The following TTC1 variants were observed in gnomAD, a reference collection of about 807,000 sequenced individuals.
TTC1 encodes the protein tetratricopeptide repeat protein 1.
Under a neutral mutation model 37.6 loss-of-function variants are expected in TTC1, and 31 were observed. The observed-to-expected ratio is 0.82, with a 90% CI of 0.62 to 1.11. The LOEUF (loss-of-function observed/expected upper bound fraction) is 1.11. TTC1 is among the 50% of genes most tolerant of loss of function. The pLI, the probability that TTC1 is intolerant of heterozygous loss-of-function variation, is 0.00. For synonymous variants in TTC1, 127 were observed against 122.4 expected, an observed-to-expected ratio of 1.04 and a Z score of -0.25; for missense variants, 351 against 339.0, an observed-to-expected ratio of 1.04 and a Z score of -0.28.
chr5:160,055,477 T>A (rs1757519261), intron 7 of TTC1, among the ~76,000 whole-genome samples: 1 of 152,226 alleles, frequency 6.6e-6, no homozygotes, highest in Non-Finnish European at 1.5e-5. Flanking sequence ...AAGATTCTAA[T>A]CACCAGTTGC....
intron 5 of TTC1, among the ~76,000 whole-genome samples, chr5:160,044,804 C>T (rs150911181): frequency 0.01 from 1,526 of 152,306 alleles, 17 homozygotes; most frequent in Middle Eastern, 0.02. Flanking sequence ...CCCAGTAGGT[C>T]TCAGCCTTAT....
At chr5:160,020,662 C>G (rs1304047259) in intron 2 of TTC1, among the ~76,000 whole-genome samples, 3 of 152,210 alleles carry the variant, frequency 2.0e-5, no homozygotes, top group Non-Finnish European at 2.9e-5. Context: ...GGCTTGTGAA[C>G]CCTGTTGTGA....
chr5:160,014,952 C>T (rs1460847404), intron 2 of TTC1, among the ~76,000 whole-genome samples: 1 of 152,104 alleles, frequency 6.6e-6, no homozygotes, highest in Non-Finnish European at 1.5e-5. Context: ...TGTTACAGAG[C>T]CACTAGAACC....
chr5:160,034,790 A>G (rs1267908629), intron 2 of TTC1, among the ~76,000 whole-genome samples: 1 of 152,210 alleles, frequency 6.6e-6, no homozygotes, highest in African/African-American at 2.4e-5. Flanking sequence ...TTGAATTTAC[A>G]CTGGTATGCA....
chr5:160,061,914 G>A (rs984025355), intron 7 of TTC1: 5 of 152,392 alleles, frequency 3.3e-5, no homozygotes, highest in Non-Finnish European at 4.4e-5. Context: ...GGCCGGGGGA[G>A]CGGGGAAGTT....
intron 7 of TTC1, among the ~76,000 whole-genome samples, chr5:160,060,559 T>C (rs1358414198): frequency 6.6e-6 from 1 of 152,182 alleles, no homozygotes; most frequent in African/African-American, 2.4e-5. Context: ...ACCTCATTGA[T>C]TACTGTCCAG....
chr5:160,028,298 CA>C (rs61408395), intron 2 of TTC1, among the ~76,000 whole-genome samples: 5,801 of 79,684 alleles, frequency 0.073, 126 homozygotes, highest in East Asian at 0.17. Context: ...GACTCCGTCT[CA>C]AAAAAAAAAA....
intron 7 of TTC1, among the ~76,000 whole-genome samples, chr5:160,054,983 C>T (rs1463023980): frequency 6.6e-6 from 1 of 152,192 alleles, no homozygotes; most frequent in Non-Finnish European, 1.5e-5. Flanking sequence ...CCTCAGGAGT[C>T]CCTTGAGAAG....
chr5:160,050,976 G>GT (rs1374105621), intron 6 of TTC1, among the ~76,000 whole-genome samples, 153 bp from the exon 7 acceptor site: 29 of 94,608 alleles, frequency 3.1e-4, no homozygotes, highest in South Asian at 1.0e-3. Context: ...AAATACTTGG[G>GT]GTTTTTTTTT....
In TTC1 at chr5:160,065,237, C is replaced by A; in HGVS notation, c.*172C>A. The A allele has an allele frequency of 1.1e-6, 1 of 929,396 alleles. No individual in the cohort carries two copies. Among genetic ancestry groups the A allele is most frequent in the Non-Finnish European group, 1.7e-6 (1 of 595,190 alleles). The allele number at this position is 929,396 out of a possible 1,614,324, so 57.6% of individuals were successfully genotyped here. On this transcript the variant is annotated 3_prime_UTR_variant, in exon 8 of 8. Transcript: ENST00000231238. ...TCTTTTATGATCAGGGTGAAATGTA[C>A]TTCCTGATGTAATGAACCTAATTTG...
intron 4 of TTC1, among the ~76,000 whole-genome samples, chr5:160,038,305 C>G (rs543277777): frequency 6.6e-6 from 1 of 152,198 alleles, no homozygotes; most frequent in Admixed American, 6.5e-5. Context: ...TTTACACTTA[C>G]CTGGAAAATT....
intron 2 of TTC1, among the ~76,000 whole-genome samples, chr5:160,023,267 A>C (rs1408084550): frequency 6.6e-6 from 1 of 151,652 alleles, no homozygotes; most frequent in Non-Finnish European, 1.5e-5. Context: ...AAAAAAAAAA[A>C]AAAATTAGGC....
chr5:160,049,855 A>T (rs1757355488), intron 6 of TTC1, among the ~76,000 whole-genome samples, 193 bp downstream of exon 6: 1 of 151,904 alleles, frequency 6.6e-6, no homozygotes, highest in African/African-American at 2.4e-5. Flanking sequence ...AGGAGGAGAG[A>T]TCACTTGAGG....
chr5:160,037,583 G>A lies in TTC1; in HGVS notation c.504+780G>A, dbSNP rs1375635420. On this transcript the variant is annotated intron_variant, in intron 4 of 7. Transcript: ENST00000231238. ...ATACAAAAATTAGCCAGGCATGGTG[G>A]TGGGCACCTGTAATCCCATCTACTC... 2.6e-5 allele frequency among the ~76,000 whole-genome samples: 4 copies of A among 152,282 alleles called. No individual in the cohort carries two copies. In the East Asian group the frequency reaches 5.8e-4, roughly 22 times the overall value.
intron 4 of TTC1, among the ~76,000 whole-genome samples, chr5:160,039,808 T>G (rs759247178): frequency 3.9e-5 from 6 of 152,198 alleles, no homozygotes; most frequent in Admixed American, 6.5e-5. Context: ...TTACAGGACT[T>G]CTTAGAGTTT....
chr5:160,010,536 A>G lies in TTC1; in HGVS notation c.8A>G (p.Glu3Gly), dbSNP rs1756480918. 6.2e-7 allele frequency: 1 copy of G among 1,611,872 alleles called. No individual in the cohort carries two copies. Among genetic ancestry groups the G allele is most frequent in the Non-Finnish European group, 8.5e-7 (1 of 1,178,248 alleles). The change falls in exon 2 of 8, where the codon GAG becomes GGG. Residue 3 changes from glutamate to glycine, a missense_variant. Transcript: ENST00000231238. MG[E>G]KSENCGVPED... ...CCTCCCTCACTGGGCAGCATGGGGG[A>G]GAAGTCAGAGAACTGTGGGGTTCCA...
intron 2 of TTC1, among the ~76,000 whole-genome samples, chr5:160,025,643 A>T (rs1052388023): frequency 6.6e-6 from 1 of 152,230 alleles, no homozygotes; most frequent in African/African-American, 2.4e-5. Context: ...ACCTTTTTGC[A>T]GCAGCTTCTG....
In TTC1 at chr5:160,015,639, C is replaced by T. The variant is rs190943187; in HGVS notation, c.330+4781C>T. On this transcript the variant is annotated intron_variant, in intron 2 of 7. Transcript: ENST00000231238. ...TCCCTCTACCTTTCCCTGTGTGTCT[C>T]TTCACCTGGCTGTTCTATATCATTC... Among the ~76,000 whole-genome samples, 342 of 152,318 alleles carry T rather than the reference C, an allele frequency of 2.2e-3. 2 individuals carry two copies. The highest frequency in any genetic ancestry group is 7.7e-3 in the African/African-American group (319 of 41,566).
At chr5:160,055,093 T>C (rs1306462459) in intron 7 of TTC1, among the ~76,000 whole-genome samples, 1 of 152,152 alleles carries the variant, frequency 6.6e-6, no homozygotes, top group Non-Finnish European at 1.5e-5. Flanking sequence ...GCAAGAGGTT[T>C]GTACTGGGAT....
Sources: allele counts gnomAD v4.1 joint callset (sites outside exome capture counted in the v4.1 genomes callset), GRCh38; gene constraint gnomAD v4.1.1; transcripts MANE v1.5; gene names NCBI Gene and HGNC (gene_info 2026-07-23, HGNC 2026-07-21).